Variants in ROR2 observed in about 807,000 individuals in gnomAD.
The protein encoded by ROR2 is tyrosine-protein kinase transmembrane receptor ROR2.
A neutral mutation model predicts 74.9 loss-of-function variants in ROR2; 33 were observed. That is an observed-to-expected ratio of 0.44 (90% confidence interval 0.33 to 0.59). The LOEUF (loss-of-function observed/expected upper bound fraction) is 0.59, where lower values mean the gene tolerates loss of function less well. Among genes scored for constraint, ROR2 ranks in the 20% least tolerant of loss-of-function variants. The pLI, the probability that ROR2 is intolerant of heterozygous loss-of-function variation, is 0.02. For missense variants in ROR2, 1,216 were observed against 1,313.8 expected (o/e 0.93, Z 1.15); for synonymous variants, 586 against 558.7 (o/e 1.05, Z -0.69).
intron 2 of ROR2, among the ~76,000 whole-genome samples, chr9:91,763,194 G>C (rs998678645): frequency 6.6e-6 from 1 of 152,182 alleles, no homozygotes; most frequent in African/African-American, 2.4e-5. Flanking sequence ...TAGGAGGAGG[G>C]TGAGGATTAA....
intron 1 of ROR2, among the ~76,000 whole-genome samples, chr9:91,906,382 C>T (rs570940706): frequency 2.0e-5 from 3 of 152,306 alleles, no homozygotes; most frequent in South Asian, 2.1e-4. Flanking sequence ...TTGAGGAAAA[C>T]GAAACCTTAA....
chr9:91,941,262 G>A (rs760668138), intron 1 of ROR2, among the ~76,000 whole-genome samples: 1 of 152,178 alleles, frequency 6.6e-6, no homozygotes, highest in Non-Finnish European at 1.5e-5. Context: ...CTCCAGAAGT[G>A]CTGGGATTAC....
intron 1 of ROR2, among the ~76,000 whole-genome samples, chr9:91,852,468 C>A (rs1312739514): frequency 2.0e-5 from 3 of 152,192 alleles, no homozygotes; most frequent in Non-Finnish European, 4.4e-5. Context: ...GACTCCATCC[C>A]AGATGGTGGA....
chr9:91,948,982 C>T (rs1325807022), intron 1 of ROR2: 1 of 943,822 alleles, frequency 1.1e-6, no homozygotes, highest in Non-Finnish European at 1.3e-6. Flanking sequence ...TCCGAACCTC[C>T]CCGCCGTTCC....
chr9:91,725,572 G>A (rs972837091), intron 8 of ROR2, among the ~76,000 whole-genome samples: 1 of 152,132 alleles, frequency 6.6e-6, no homozygotes, highest in Non-Finnish European at 1.5e-5. Flanking sequence ...GCTTTCCCAC[G>A]ACATTTTTGT....
intron 4 of ROR2, among the ~76,000 whole-genome samples, chr9:91,745,041 C>T (rs1825363832): frequency 1.3e-5 from 2 of 152,192 alleles, no homozygotes; most frequent in African/African-American, 2.4e-5. Flanking sequence ...TGTGAGTGCA[C>T]ATCAAGTGTG....
At chr9:91,775,853 G>C (rs1281659254) in intron 1 of ROR2, 35 bp from the exon 2 acceptor site, 1 of 1,595,246 alleles carries the variant, frequency 6.3e-7, no homozygotes, top group African/African-American at 1.3e-5. Flanking sequence ...TATTAAACAA[G>C]TTTTCCTTTC....
intron 1 of ROR2, among the ~76,000 whole-genome samples, chr9:91,812,966 T>C (rs2119110910): frequency 6.6e-6 from 1 of 152,254 alleles, no homozygotes; most frequent in African/African-American, 2.4e-5. Context: ...TTCACCTCAA[T>C]CATATGCCTC....
chr9:91,853,294 G>A (rs1829171730), intron 1 of ROR2, among the ~76,000 whole-genome samples: 1 of 152,344 alleles, frequency 6.6e-6, no homozygotes, highest in Admixed American at 6.5e-5. Context: ...GAGTTACTGG[G>A]AAAGGTGACC....
intron 1 of ROR2, among the ~76,000 whole-genome samples, chr9:91,868,737 T>C (rs1829711369): frequency 6.6e-6 from 1 of 152,176 alleles, no homozygotes; most frequent in East Asian, 1.9e-4. Context: ...CACTAAGGGA[T>C]GAAGGTGACA....
intron 1 of ROR2, among the ~76,000 whole-genome samples, chr9:91,890,347 C>T (rs979599905): frequency 6.6e-6 from 1 of 152,130 alleles, no homozygotes; most frequent in African/African-American, 2.4e-5. Flanking sequence ...GGAATCTTCT[C>T]CTGTAAAGCT....
At chr9:91,863,420 C>T (rs1441486227) in intron 1 of ROR2, among the ~76,000 whole-genome samples, 1 of 151,986 alleles carries the variant, frequency 6.6e-6, no homozygotes, top group African/African-American at 2.4e-5. Context: ...GAGCATTATT[C>T]ATAATAGCCA....
intron 1 of ROR2, among the ~76,000 whole-genome samples, chr9:91,859,838 A>C (rs996970137): frequency 1.4e-4 from 21 of 152,128 alleles, no homozygotes; most frequent in African/African-American, 4.6e-4. Flanking sequence ...CAAACAAACA[A>C]ACAAACAAAA....
At chr9:91,746,890 A>G (rs1825439819) in intron 4 of ROR2, among the ~76,000 whole-genome samples, 1 of 143,394 alleles carries the variant, frequency 7.0e-6, no homozygotes, top group African/African-American at 2.8e-5. Flanking sequence ...GTGTGTGTGT[A>G]GCACAATATG....
At chr9:91,852,838 T>C (rs1316772812) in intron 1 of ROR2, among the ~76,000 whole-genome samples, 2 of 152,180 alleles carry the variant, frequency 1.3e-5, no homozygotes, top group African/African-American at 2.4e-5. Flanking sequence ...CTTTCTCCTC[T>C]GAAGAGAGTG....
At chr9:91,901,881 G>A (rs1349474311) in intron 1 of ROR2, among the ~76,000 whole-genome samples, 2 of 151,698 alleles carry the variant, frequency 1.3e-5, no homozygotes, top group Non-Finnish European at 2.9e-5. Flanking sequence ...CATAGCTACT[G>A]TGTGAGGAAA....
rs1485580402 is a variant in ROR2, at chr9:91,905,310, C to T, written c.97+44557G>A. ...ACACAATACCACACACCAGACACACCACACACATACAATCATACCACACAA... is the reference window on the plus strand; with the variant it reads ...ACACAATACCACACACCAGACACACTACACACATACAATCATACCACACAA... On this transcript the variant is annotated intron_variant, in intron 1 of 8. Coordinates refer to ENST00000375708, the MANE Select transcript of ROR2 (RefSeq NM_004560.4). The surrounding 1 kb of genome is among the most constrained non-coding windows in gnomAD (Gnocchi z 5.3). Among the ~76,000 whole-genome samples the T allele has an allele frequency of 6.6e-6, 1 of 150,852 alleles. No individual in the cohort carries two copies. Among genetic ancestry groups the T allele is most frequent in the Non-Finnish European group, 1.5e-5 (1 of 67,558 alleles).
intron 1 of ROR2, among the ~76,000 whole-genome samples, chr9:91,835,601 C>A (rs1246815434): frequency 1.3e-5 from 2 of 152,212 alleles, no homozygotes; most frequent in Non-Finnish European, 2.9e-5. Context: ...ACCGACTCAT[C>A]GCAGTAAACT....
rs75386637 is a variant in ROR2, at chr9:91,746,717, C to T, written c.495-9199G>A. ...GGGTCACAAACATCTGGATGGAGAACGGCTGAAGTCTTGGAATTAACTGAT... is the reference window on the plus strand; with the variant it reads ...GGGTCACAAACATCTGGATGGAGAATGGCTGAAGTCTTGGAATTAACTGAT... On this transcript the variant is annotated intron_variant, in intron 4 of 8. Coordinates refer to ENST00000375708, the MANE Select transcript of ROR2 (RefSeq NM_004560.4). 8.6e-3 allele frequency among the ~76,000 whole-genome samples: 1,312 copies of T among 152,206 alleles called. 20 individuals carry two copies. The highest frequency in any genetic ancestry group is 0.03 in the African/African-American group (1,246 of 41,512).
Sources: allele counts gnomAD v4.1 joint callset (sites outside exome capture counted in the v4.1 genomes callset), GRCh38; gene constraint gnomAD v4.1.1; non-coding constraint Gnocchi (gnomAD v3.1); transcripts MANE v1.5; gene names NCBI Gene and HGNC (gene_info 2026-07-23, HGNC 2026-07-21).